Variants in HSPA12A observed in about 807,000 individuals in gnomAD.
HSPA12A encodes the protein heat shock 70 kDa protein 12A.
In HSPA12A, 28 loss-of-function variants were observed where a neutral mutation model predicts 69.2. The ratio of observed to expected loss-of-function variants is 0.40; its 90% CI spans 0.30 to 0.55. The LOEUF (loss-of-function observed/expected upper bound fraction) is 0.55. HSPA12A is among the 20% of genes least tolerant of loss of function. HSPA12A has a pLI of 0.38. For synonymous variants in HSPA12A, 345 were observed against 370.5 expected, an observed-to-expected ratio of 0.93 and a Z score of 0.79; for missense variants, 686 against 900.7, an observed-to-expected ratio of 0.76 and a Z score of 3.05.
At chr10:116,793,008 GA>G (rs1844733257) in intron 2 of HSPA12A, among the ~76,000 whole-genome samples, 1 of 152,156 alleles carries the variant, frequency 6.6e-6, no homozygotes, top group Non-Finnish European at 1.5e-5. Flanking sequence ...GAAGTTAGAA[GA>G]ATGGATGATT....
intron 1 of HSPA12A, among the ~76,000 whole-genome samples, chr10:116,836,751 T>C (rs1845717847): frequency 6.7e-6 from 1 of 148,656 alleles, no homozygotes; most frequent in Non-Finnish European, 1.5e-5. Flanking sequence ...TAGTGTAGAA[T>C]TGTGGTAAAC....
At chr10:116,680,005 T>G (rs1849359176) in intron 9 of HSPA12A, among the ~76,000 whole-genome samples, 1 of 152,232 alleles carries the variant, frequency 6.6e-6, no homozygotes, top group Non-Finnish European at 1.5e-5. Flanking sequence ...TTTCTTTTTT[T>G]TGAGACAAAG....
At chr10:116,683,609 G>T in intron 7 of HSPA12A, 182 bp downstream of exon 7, 1 of 451,172 alleles carries the variant, frequency 2.2e-6, no homozygotes, top group Non-Finnish European at 3.8e-6. Flanking sequence ...CTCCATTTAT[G>T]GGGGTCCTTG....
chr10:116,818,647 C>T (rs984194424), intron 2 of HSPA12A, among the ~76,000 whole-genome samples: 8 of 152,056 alleles, frequency 5.3e-5, no homozygotes, highest in African/African-American at 1.7e-4. Flanking sequence ...CTGTCCCCAC[C>T]AAAGCAAAGG....
chr10:116,732,147 G>A (rs536519520), intron 1 of HSPA12A, among the ~76,000 whole-genome samples: 152 of 151,922 alleles, frequency 1.0e-3, no homozygotes, highest in Middle Eastern at 3.4e-3. Flanking sequence ...CCTGGCCAAC[G>A]TGATGAAACG....
chr10:116,821,161 T>C (rs1284620011), intron 2 of HSPA12A, among the ~76,000 whole-genome samples: 1 of 152,154 alleles, frequency 6.6e-6, no homozygotes, highest in Non-Finnish European at 1.5e-5. Context: ...CTTTCAAAAA[T>C]ATAAGTACAG....
At chr10:116,830,934 T>C (rs959012734) in intron 2 of HSPA12A, 1 of 152,612 alleles carries the variant, frequency 6.6e-6, no homozygotes, top group Non-Finnish European at 1.5e-5. Context: ...TAGAAGCAGC[T>C]AGCAGCAGAC....
intron 2 of HSPA12A, among the ~76,000 whole-genome samples, chr10:116,810,414 G>A (rs1845154671): frequency 6.6e-6 from 1 of 152,012 alleles, no homozygotes; most frequent in Non-Finnish European, 1.5e-5. Flanking sequence ...ATTTAGACGA[G>A]GGTTTTTTCT....
chr10:116,709,680 G>A (rs1326492453), intron 1 of HSPA12A, among the ~76,000 whole-genome samples: 2 of 152,160 alleles, frequency 1.3e-5, no homozygotes, highest in African/African-American at 4.8e-5. Context: ...GATGAGAGGT[G>A]ACCAGGGGTA....
rs146183230 is a variant in HSPA12A, at chr10:116,711,538, A to C, written c.41-4253T>G. Among the ~76,000 whole-genome samples, 1,112 of 152,312 alleles carry C rather than the reference A, an allele frequency of 7.3e-3. 7 individuals are homozygous for C. Among genetic ancestry groups the C allele is most frequent in the Non-Finnish European group, 0.011 (735 of 68,026 alleles). ...ATACCTACAGCACCGTTCCAAGTAGATTAAATAAAGGCCTACTCAAAGCAT... is the reference window on the plus strand; with the variant it reads ...ATACCTACAGCACCGTTCCAAGTAGCTTAAATAAAGGCCTACTCAAAGCAT... On this transcript the variant is annotated intron_variant, in intron 1 of 11. Coordinates refer to ENST00000369209, the MANE Select transcript of HSPA12A (RefSeq NM_025015.3).
chr10:116,748,018 T>TTAG (rs1221976211), intron 2 of HSPA12A, among the ~76,000 whole-genome samples: 2 of 151,968 alleles, frequency 1.3e-5, no homozygotes, highest in Non-Finnish European at 2.9e-5. Flanking sequence ...AAAAAATAAA[T>TTAG]AAATAATGAA....
chr10:116,716,451 G>A lies in HSPA12A; in HGVS notation c.41-9166C>T, dbSNP rs1440092584. ...CCCGAAAGGCAGGTGTGTGTTGGGG[G>A]GTGGGGTGGGGGGTGTGTATGTGTG... On this transcript the variant is annotated intron_variant, in intron 1 of 11. Coordinates refer to ENST00000369209, the MANE Select transcript of HSPA12A (RefSeq NM_025015.3). Among the ~76,000 whole-genome samples, 3 of 151,832 alleles carry A rather than the reference G, an allele frequency of 2.0e-5. No individual in the cohort carries two copies. The East Asian group carries it at 5.8e-4, about 29-fold the overall frequency.
intron 2 of HSPA12A, among the ~76,000 whole-genome samples, chr10:116,787,757 TGAAAA>T: frequency 6.6e-6 from 1 of 151,980 alleles, no homozygotes; most frequent in Middle Eastern, 3.4e-3. Flanking sequence ...CTTCAGAAGG[TGAAAA>T]GAAGAGGAAA....
intron 1 of HSPA12A, among the ~76,000 whole-genome samples, chr10:116,841,900 C>CA (rs1043699140): frequency 3.3e-5 from 5 of 150,080 alleles, no homozygotes; most frequent in Admixed American, 1.3e-4. Flanking sequence ...ACCATAATGA[C>CA]AAAAAAAAAT....
At chr10:116,767,471 C>A (rs1333191714) in intron 2 of HSPA12A, among the ~76,000 whole-genome samples, 1 of 152,230 alleles carries the variant, frequency 6.6e-6, no homozygotes, top group African/African-American at 2.4e-5. Flanking sequence ...GCCCTGGGGC[C>A]TCGGGAGCCT....
chr10:116,841,116 G>C (rs2133222318), intron 1 of HSPA12A, among the ~76,000 whole-genome samples: 1 of 152,226 alleles, frequency 6.6e-6, no homozygotes, highest in East Asian at 1.9e-4. Flanking sequence ...TATTTCAAGT[G>C]AAAGTAATTT....
intron 2 of HSPA12A, among the ~76,000 whole-genome samples, chr10:116,773,145 C>A (rs1844251704): frequency 6.6e-6 from 1 of 152,234 alleles, no homozygotes; most frequent in African/African-American, 2.4e-5. Context: ...TCCTTCCTCC[C>A]ACTCCTTTTC....
At position 116,675,234 on chromosome 10, in the gene HSPA12A, G is replaced by T; in HGVS notation, c.1575C>A (p.Pro525=). 1 of 1,613,676 alleles carries T rather than the reference G, an allele frequency of 6.2e-7. No individual in the cohort carries two copies. The highest frequency in any genetic ancestry group is 8.5e-7 in the Non-Finnish European group (1 of 1,180,030). The change falls in exon 12 of 12, where the codon CCC becomes CCA. Residue 525 remains proline (P), a synonymous_variant. Transcript: ENST00000369209. The surrounding 1 kb of genome is among the most constrained non-coding windows in gnomAD (Gnocchi z 5.2). ...LKGAVLFGLD[P]AVIKVRRSPL... Reference sequence around the variant, plus strand: ...GCGACCGGCGCACCTTGATGACCGCGGGGTCCAGGCCAAAGAGGACGGCAC... The same window carrying T: ...GCGACCGGCGCACCTTGATGACCGCTGGGTCCAGGCCAAAGAGGACGGCAC...
rs7902470 is a variant in HSPA12A at position 116,772,092 on chromosome 10, G to A, written c.91+62843C>T. On this transcript the variant is annotated intron_variant, in intron 2 of 12. Coordinates refer to the HSPA12A transcript ENST00000635765. ...ATTCCCTGAGATGACAGCACAGGAC[G>A]GGAGCGGGGGTAGTGGCGAGGATGA... 4.6e-3 allele frequency among the ~76,000 whole-genome samples: 700 copies of A among 152,268 alleles called. 4 individuals carry two copies. Among genetic ancestry groups the A allele is most frequent in the African/African-American group, 0.016 (667 of 41,556 alleles).
Sources: gnomAD v4.1 joint callset for allele counts (sites outside exome capture counted in the v4.1 genomes callset) on GRCh38, gnomAD v4.1.1 for gene constraint, Gnocchi (gnomAD v3.1) non-coding constraint, MANE v1.5 for transcripts, NCBI Gene and HGNC (gene_info 2026-07-23, HGNC 2026-07-21) for gene names.